ADARB2: variants seen among roughly 807,000 people sequenced by gnomAD.
ADARB2 encodes the protein adenosine deaminase RNA specific B2 (inactive), also known as inactive double-stranded RNA-specific editase B2.
A neutral mutation model predicts 62.2 loss-of-function variants in ADARB2; 25 were observed. The observed-to-expected ratio is 0.40, with a 90% CI of 0.29 to 0.56. The LOEUF is 0.56. ADARB2 is among the 20% of genes least tolerant of loss of function. The pLI, the probability that ADARB2 is intolerant of heterozygous loss-of-function variation, is 0.43. For synonymous variants in ADARB2, 572 were observed against 500.8 expected (o/e 1.14, Z -1.90); for missense variants, 1,071 against 1,077.4 (o/e 0.99, Z 0.08).
intron 3 of ADARB2, among the ~76,000 whole-genome samples, chr10:1,331,739 C>T (rs1307053647): frequency 1.3e-5 from 2 of 152,118 alleles, no homozygotes; most frequent in African/African-American, 4.8e-5. Context: ...TGATTTATAG[C>T]CCAATTAAGT....
intron 1 of ADARB2, among the ~76,000 whole-genome samples, chr10:1,538,341 T>C (rs568208581): frequency 1.3e-5 from 2 of 152,318 alleles, no homozygotes; most frequent in South Asian, 4.1e-4. Flanking sequence ...CTGGCCAGAC[T>C]GCGAAGCCCC....
At chr10:1,663,415 A>G (rs1406529192) in intron 1 of ADARB2, among the ~76,000 whole-genome samples, 2 of 152,090 alleles carry the variant, frequency 1.3e-5, no homozygotes, top group Non-Finnish European at 2.9e-5. Flanking sequence ...CCACTCCCGA[A>G]ACGCCCTCCG....
chr10:1,417,697 T>C (rs1468342967), intron 1 of ADARB2, among the ~76,000 whole-genome samples: 2 of 152,186 alleles, frequency 1.3e-5, no homozygotes, highest in Non-Finnish European at 2.9e-5. Flanking sequence ...TCCTGTGCTA[T>C]GGGCCGGCGT....
intron 1 of ADARB2, among the ~76,000 whole-genome samples, chr10:1,483,970 A>G (rs1030058863): frequency 6.6e-6 from 1 of 152,210 alleles, no homozygotes; most frequent in African/African-American, 2.4e-5. Flanking sequence ...TTTATTAACA[A>G]TGCAGATACA....
At chr10:1,619,217 A>ATCAG in intron 1 of ADARB2, among the ~76,000 whole-genome samples, 1 of 152,204 alleles carries the variant, frequency 6.6e-6, no homozygotes, top group African/African-American at 2.4e-5. Context: ...CAGATTAGAT[A>ATCAG]AATAAGTAAG....
At chr10:1,715,285 G>C (rs1469955620) in intron 1 of ADARB2, among the ~76,000 whole-genome samples, 1 of 152,010 alleles carries the variant, frequency 6.6e-6, no homozygotes, top group Non-Finnish European at 1.5e-5. Flanking sequence ...TCCAGTCTAC[G>C]TGGAAGTGTA....
chr10:1,210,697 A>G lies in ADARB2; in HGVS notation c.1682+6254T>C, dbSNP rs1347276406. On this transcript the variant is annotated intron_variant, in intron 7 of 9. Transcript: ENST00000381312. Reference sequence around the variant, plus strand: ...ACAAAACAGCAGGTTTCCTTCGCTCATGAGTGCAGTGAGCGGTTCCTGGAT... The same window carrying G: ...ACAAAACAGCAGGTTTCCTTCGCTCGTGAGTGCAGTGAGCGGTTCCTGGAT... Among the ~76,000 whole-genome samples, 5 of 152,348 alleles carry G rather than the reference A, an allele frequency of 3.3e-5. No individual in the cohort carries two copies. The East Asian group carries it at 7.7e-4, about 23-fold the overall frequency.
Position 1,386,674 on chromosome 10 carries a change from A to G in ADARB2, c.101-7514T>C, listed in dbSNP as rs1309493067. Among the ~76,000 whole-genome samples, 3 of 151,974 alleles carry G rather than the reference A, an allele frequency of 2.0e-5. No individual in the cohort carries two copies. The East Asian group carries it at 5.8e-4, about 29-fold the overall frequency. On this transcript the variant is annotated intron_variant, in intron 1 of 9. Coordinates refer to ENST00000381312, the MANE Select transcript of ADARB2 (RefSeq NM_018702.4). ...ACAACATGAATAAAAAACTAGCAAA[A>G]TGAAGGAGGGTAGAAACATACATAA...
At chr10:1,633,556 CT>C (rs1564353025) in intron 1 of ADARB2, among the ~76,000 whole-genome samples, 6 of 107,896 alleles carry the variant, frequency 5.6e-5, no homozygotes, top group Admixed American at 1.9e-4. Flanking sequence ...TATCATCTAT[CT>C]ATCTATCTAT....
intron 1 of ADARB2, among the ~76,000 whole-genome samples, chr10:1,445,088 C>T (rs570618047): frequency 1.6e-3 from 238 of 150,940 alleles, no homozygotes; most frequent in Non-Finnish European, 2.8e-3. Flanking sequence ...CATCCATCCA[C>T]CCACCCACCC....
At chr10:1,470,900 A>C (rs985921153) in intron 1 of ADARB2, among the ~76,000 whole-genome samples, 16 of 152,302 alleles carry the variant, frequency 1.1e-4, no homozygotes, top group Admixed American at 3.3e-4. Flanking sequence ...CTCTACTAAA[A>C]ATACAAAAAT....
intron 1 of ADARB2, among the ~76,000 whole-genome samples, chr10:1,545,979 T>C (rs540011289): frequency 6.6e-6 from 1 of 151,330 alleles, no homozygotes; most frequent in East Asian, 2.0e-4. Context: ...TTTATCTGAG[T>C]TTCTTCCTCA....
chr10:1,686,002 C>G (rs7923362), intron 1 of ADARB2, among the ~76,000 whole-genome samples: 1 of 152,260 alleles, frequency 6.6e-6, no homozygotes, highest in Non-Finnish European at 1.5e-5. Context: ...CCTTCCCGGA[C>G]TGGCTTCTGT....
chr10:1,504,955 C>T (rs34707962), intron 1 of ADARB2, among the ~76,000 whole-genome samples: 6,523 of 152,094 alleles, frequency 0.043, 187 homozygotes, highest in South Asian at 0.091. Context: ...CACAGAGACA[C>T]ACATGACACA....
rs1016650850 is a variant in ADARB2 at position 1,419,647 on chromosome 10, A to G, written c.101-40487T>C. On this transcript the variant is annotated intron_variant, in intron 1 of 9. Coordinates refer to ENST00000381312, the MANE Select transcript of ADARB2 (RefSeq NM_018702.4). ...TGATATAGAGATGTTTGTGGGTTTT[A>G]TTAAAGTCTCATGATGTCTCTAAGC... 2.6e-5 allele frequency among the ~76,000 whole-genome samples: 4 copies of G among 152,234 alleles called. No individual in the cohort carries two copies. In the East Asian group the frequency reaches 7.7e-4, roughly 29 times the overall value.
chr10:1,203,680 C>T (rs977971828), intron 7 of ADARB2, among the ~76,000 whole-genome samples: 1 of 151,678 alleles, frequency 6.6e-6, no homozygotes, highest in Admixed American at 6.6e-5. Flanking sequence ...ACGTGATTCT[C>T]CTGTGAGCCA....
chr10:1,611,583 G>A (rs1833573542), intron 1 of ADARB2, among the ~76,000 whole-genome samples: 1 of 152,090 alleles, frequency 6.6e-6, no homozygotes, highest in South Asian at 2.1e-4. Flanking sequence ...AATGCATCTT[G>A]GCCTCTTCCT....
At position 1,516,236 on chromosome 10, in the gene ADARB2, A is replaced by G. The variant is rs1407853609; in HGVS notation, c.101-137076T>C. ...GCTGCGTCCCTTACCCTTACCCCAAATAAACCACCTTCCCTCCATCCTGAC... is the reference window on the plus strand; with the variant it reads ...GCTGCGTCCCTTACCCTTACCCCAAGTAAACCACCTTCCCTCCATCCTGAC... On this transcript the variant is annotated intron_variant, in intron 1 of 9. Transcript: ENST00000381312. Among the ~76,000 whole-genome samples the G allele has an allele frequency of 2.0e-5, 3 of 151,942 alleles. No homozygotes were observed. In the East Asian group the frequency reaches 5.8e-4, roughly 29 times the overall value.
intron 1 of ADARB2, among the ~76,000 whole-genome samples, chr10:1,602,554 C>T (rs1295802487): frequency 3.3e-5 from 5 of 152,192 alleles, no homozygotes; most frequent in African/African-American, 9.7e-5. Flanking sequence ...CCACATTGCA[C>T]AGCCAGGGAG....
Sources: gnomAD v4.1 joint callset for allele counts (sites outside exome capture counted in the v4.1 genomes callset) on GRCh38, gnomAD v4.1.1 for gene constraint, MANE v1.5 for transcripts, NCBI Gene and HGNC (gene_info 2026-07-23, HGNC 2026-07-21) for gene names.